CADM2: variants seen among roughly 807,000 people sequenced by gnomAD.
CADM2 encodes the protein cell adhesion molecule 2, also known as immunoglobulin superfamily member 4D.
A neutral mutation model predicts 49.8 loss-of-function variants in CADM2; 12 were observed. That is an observed-to-expected ratio of 0.24 (90% CI 0.15 to 0.39). The LOEUF is 0.39. Among genes scored for constraint, CADM2 ranks in the 10% least tolerant of loss-of-function variants. The pLI, the probability that CADM2 is intolerant of heterozygous loss-of-function variation, is 1.00. For missense variants in CADM2, 378 were observed against 492.3 expected (o/e 0.77, Z 2.20); for synonymous variants, 214 against 175.4 (o/e 1.22, Z -1.74).
chr3:85,867,999 A>G (rs2075786632), intron 3 of CADM2, among the ~76,000 whole-genome samples: 1 of 152,060 alleles, frequency 6.6e-6, no homozygotes, highest in African/African-American at 2.4e-5. Context: ...CAATTTCAAT[A>G]GTACCTTATT....
intron 3 of CADM2, among the ~76,000 whole-genome samples, chr3:85,864,267 TA>T (rs2075642618): frequency 6.6e-6 from 1 of 152,226 alleles, no homozygotes; most frequent in Non-Finnish European, 1.5e-5. Flanking sequence ...TTTCTGTAAT[TA>T]TAAACACCTT....
intron 1 of CADM2, among the ~76,000 whole-genome samples, chr3:85,634,802 A>G (rs114382596): frequency 0.018 from 2,798 of 152,222 alleles, 33 homozygotes; most frequent in Non-Finnish European, 0.031. Context: ...AGACAAAGGT[A>G]GATTTCTTGA....
At chr3:85,261,707 T>G (rs1252810818) in intron 1 of CADM2, among the ~76,000 whole-genome samples, 1 of 152,158 alleles carries the variant, frequency 6.6e-6, no homozygotes, top group Non-Finnish European at 1.5e-5. Context: ...AGATAGTATA[T>G]AAATTCCCAT....
At chr3:85,296,110 G>T (rs995778911) in intron 1 of CADM2, among the ~76,000 whole-genome samples, 18 of 151,848 alleles carry the variant, frequency 1.2e-4, no homozygotes, top group Non-Finnish European at 2.4e-4. Context: ...TTAACATGAA[G>T]ATGTCAAATA....
chr3:86,025,562 T>C (rs924198556), intron 8 of CADM2, among the ~76,000 whole-genome samples: 6 of 152,110 alleles, frequency 3.9e-5, no homozygotes, highest in African/African-American at 7.2e-5. Flanking sequence ...ACTTCCTTCG[T>C]TGGTGAAGTT....
chr3:85,065,379 T>A (rs767193199), intron 1 of CADM2, among the ~76,000 whole-genome samples: 18 of 152,234 alleles, frequency 1.2e-4, no homozygotes, highest in African/African-American at 4.1e-4. Flanking sequence ...TACCACTTGA[T>A]AATTTAGGTT....
intron 1 of CADM2, among the ~76,000 whole-genome samples, chr3:85,533,004 G>T (rs534183815): frequency 6.6e-6 from 1 of 152,270 alleles, no homozygotes; most frequent in East Asian, 1.9e-4. Context: ...CCTCTTGGAG[G>T]GTGGGAGGTG....
chr3:85,633,668 G>T (rs1428844402), intron 1 of CADM2, among the ~76,000 whole-genome samples: 1 of 151,928 alleles, frequency 6.6e-6, no homozygotes, highest in Non-Finnish European at 1.5e-5. Context: ...TATCATAGTC[G>T]CAACTTCCAT....
At chr3:85,749,597 G>A (rs2068778650) in intron 2 of CADM2, among the ~76,000 whole-genome samples, 1 of 151,914 alleles carries the variant, frequency 6.6e-6, no homozygotes, top group Non-Finnish European at 1.5e-5. Context: ...TTTTAAAAAT[G>A]CTGACAGAGA....
chr3:85,640,040 C>T (rs2064660298), intron 1 of CADM2, among the ~76,000 whole-genome samples: 1 of 152,158 alleles, frequency 6.6e-6, no homozygotes. Flanking sequence ...GGAGCACCTA[C>T]TGAGTGCCGA....
intron 1 of CADM2, among the ~76,000 whole-genome samples, chr3:85,474,416 A>G (rs570912294): frequency 1.3e-5 from 2 of 151,930 alleles, no homozygotes; most frequent in Non-Finnish European, 2.9e-5. Context: ...CGTCATATTC[A>G]TTATGGAAGG....
intron 1 of CADM2, among the ~76,000 whole-genome samples, chr3:85,028,862 A>G (rs1184130187): frequency 6.6e-6 from 1 of 151,874 alleles, no homozygotes; most frequent in Non-Finnish European, 1.5e-5. Flanking sequence ...ACTTTTTAAA[A>G]TATATTCCAA....
intron 1 of CADM2, among the ~76,000 whole-genome samples, chr3:85,481,404 C>T (rs114427828): frequency 8.8e-4 from 134 of 151,526 alleles, no homozygotes; most frequent in African/African-American, 3.2e-3. Context: ...TTGCTTAAGC[C>T]GCTTCCATGA....
At chr3:85,266,636 T>A (rs955529603) in intron 1 of CADM2, among the ~76,000 whole-genome samples, 2 of 151,850 alleles carry the variant, frequency 1.3e-5, no homozygotes, top group African/African-American at 2.4e-5. Flanking sequence ...CCTCTGTATA[T>A]GTCTTGCAAT....
At chr3:86,057,719 C>G (rs1738156630) in intron 8 of CADM2, among the ~76,000 whole-genome samples, 1 of 152,114 alleles carries the variant, frequency 6.6e-6, no homozygotes. Flanking sequence ...AGACTGATCA[C>G]TGTTGTTCGG....
At chr3:85,782,314 T>C (rs1482998194) in intron 2 of CADM2, among the ~76,000 whole-genome samples, 1 of 152,178 alleles carries the variant, frequency 6.6e-6, no homozygotes, top group Non-Finnish European at 1.5e-5. Context: ...AACTCTTTTG[T>C]AAACAGGAAA....
chr3:85,563,069 A>C (rs974654129), intron 1 of CADM2, among the ~76,000 whole-genome samples: 3 of 152,284 alleles, frequency 2.0e-5, no homozygotes, highest in Admixed American at 1.3e-4. Flanking sequence ...ATGGGGAAAT[A>C]AAATTCCCTT....
intron 1 of CADM2, among the ~76,000 whole-genome samples, chr3:85,513,296 T>C (rs1008781904): frequency 2.6e-5 from 4 of 151,976 alleles, no homozygotes; most frequent in African/African-American, 9.7e-5. Context: ...TTTTGTACTC[T>C]TGAGTCCTGC....
intron 1 of CADM2, among the ~76,000 whole-genome samples, chr3:85,171,290 C>G (rs1197405802): frequency 1.3e-5 from 2 of 152,002 alleles, no homozygotes; most frequent in Non-Finnish European, 2.9e-5. Context: ...AAAAATAAAC[C>G]AGCCCATATC....
Sources: allele counts gnomAD v4.1 joint callset (sites outside exome capture counted in the v4.1 genomes callset), GRCh38; gene constraint gnomAD v4.1.1; transcripts MANE v1.5; gene names NCBI Gene and HGNC (gene_info 2026-07-23, HGNC 2026-07-21).